The following TMEM9B variants were observed in gnomAD, a reference collection of about 807,000 sequenced individuals.
The protein encoded by TMEM9B is transmembrane protein 9B.
TMEM9B carries 8 observed loss-of-function variants against 23.5 expected under a neutral mutation model. That is an observed-to-expected ratio of 0.34 (90% CI 0.20 to 0.61). The LOEUF is 0.61. TMEM9B is among the 20% of genes least tolerant of loss of function. The pLI is 0.78. For synonymous variants in TMEM9B, 106 were observed against 96.3 expected (o/e 1.10, Z -0.59); for missense variants, 197 against 252.3 (o/e 0.78, Z 1.49).
rs765412738 is a variant in TMEM9B, at chr11:8,952,870, G to A, written c.441+333C>T. 6.8e-5 allele frequency: 35 copies of A among 515,086 alleles called. No individual in the cohort carries two copies. The Middle Eastern group carries it at 1.5e-3, about 22-fold the overall frequency. 31.9% of individuals were successfully genotyped at this position (515,086 alleles called of 1,614,324 possible). ...ATTTGGTGATATTGACAGAGAAGGT[G>A]TTTCAGGCAGGAGAGCTTGGAGAGA... On this transcript the variant is annotated intron_variant, in intron 4 of 4. Coordinates refer to ENST00000534025, the MANE Select transcript of TMEM9B (RefSeq NM_020644.3).
chr11:8,955,212 T>C (rs1853952527), intron 3 of TMEM9B, among the ~76,000 whole-genome samples: 1 of 151,648 alleles, frequency 6.6e-6, no homozygotes, highest in Non-Finnish European at 1.5e-5. Flanking sequence ...CTGAACTCAT[T>C]AGAAATACAA....
Position 8,962,145 on chromosome 11 carries a change from G to T in TMEM9B, c.144C>A (p.Pro48=). 1 of 1,605,194 alleles carries T rather than the reference G, an allele frequency of 6.2e-7. No individual in the cohort carries two copies. The highest frequency in any genetic ancestry group is 1.1e-5 in the South Asian group (1 of 88,694). ...AAATATGCCCAGAATTTTCTTTATA[G>T]GGAGGGCAGATACATTTACATCTGA... The part of the protein sequence containing the change: ...EDVRCKCICP[P]YKENSGHIYN... Residue 48 remains proline (P), a synonymous_variant, in exon 2 of 5, where the codon CCC becomes CCA. Coordinates refer to ENST00000534025, the MANE Select transcript of TMEM9B (RefSeq NM_020644.3).
At chr11:8,964,540 T>G, upstream of TMEM9B, 1 of 1,306,222 alleles carries the variant, frequency 7.7e-7, no homozygotes, top group Non-Finnish European at 1.0e-6. Context: ...TGGGCAGTCC[T>G]GGTGCCCGCC....
upstream of TMEM9B, chr11:8,964,678 C>T (rs543851657): frequency 1.7e-5 from 4 of 234,602 alleles, no homozygotes; most frequent in Non-Finnish European, 3.2e-5. Context: ...GTCGCCATTG[C>T]GCTGGAAAGT....
Position 8,953,302 on chromosome 11 carries a change from A to G in TMEM9B, c.342T>C (p.Leu114=), listed in dbSNP as rs758184002. ...TIIIYLSILG[L]LLLYMVYLTL... is the part of the protein sequence containing the mutation. ...TAAGATATACCATGTACAGAAGTAG[A>G]AGGCCCAAAATGGAGAGATAAATTA... is the stretch of plus-strand genomic sequence containing the variant. The change falls in exon 4 of 5, where the codon CTT becomes CTC. Residue 114 remains leucine, a synonymous_variant. Transcript: ENST00000534025. 1.9e-6 allele frequency: 3 copies of G among 1,613,972 alleles called. No individual in the cohort carries two copies. In the East Asian group the frequency reaches 6.7e-5, roughly 36 times the overall value.
chr11:8,962,259 T>G, intron 1 of TMEM9B, 76 bp from the exon 2 acceptor site: 1 of 931,190 alleles, frequency 1.1e-6, no homozygotes, highest in Non-Finnish European at 1.6e-6. Flanking sequence ...CCATATACAT[T>G]TTGCCAAGCA....
intron 1 of TMEM9B, among the ~76,000 whole-genome samples, chr11:8,962,514 T>C (rs1049732040): frequency 3.3e-5 from 5 of 152,218 alleles, no homozygotes; most frequent in Non-Finnish European, 7.3e-5. Context: ...GGTAAGCAGA[T>C]AGTTGTGCCT....
Position 8,948,415 on chromosome 11 carries a change from C to T in TMEM9B, c.502G>A (p.Val168Met), listed in dbSNP as rs764636398. The part of the protein sequence containing the change: ...VLARSRSRAN[V>M]LNKVEYAQQR... ...TGTGCATATTCTACCTTGTTCAGCA[C>T]GTTGGCTCGACTGCGGGAGCGGGCT... Residue 168 changes from valine to methionine, a missense_variant, in exon 5 of 5, where the codon GTG (valine) becomes ATG (methionine). By Grantham distance (21) the Val-to-Met change is conservative. Around this residue, in one of 2 missense-constraint regions of TMEM9B, gnomAD observed 141 missense variants for 214.1 expected, o/e 0.66. Coordinates refer to ENST00000534025, the MANE Select transcript of TMEM9B (RefSeq NM_020644.3). The T allele has an allele frequency of 1.4e-5, 22 of 1,614,118 alleles. No homozygotes were observed. Among genetic ancestry groups the T allele is most frequent in the South Asian group, 5.5e-5 (5 of 91,092 alleles).
intron 2 of TMEM9B, among the ~76,000 whole-genome samples, chr11:8,961,085 G>A (rs939207192): frequency 2.1e-5 from 3 of 144,002 alleles, no homozygotes; most frequent in African/African-American, 7.3e-5. Flanking sequence ...GTGGAACATA[G>A]AGGTTCACAA....
In TMEM9B at chr11:8,947,257, A is replaced by C. The variant is rs1853785524; in HGVS notation, c.*1063T>G. 6.6e-6 allele frequency: 1 copy of C among 152,606 alleles called. No homozygotes were observed. Among genetic ancestry groups the C allele is most frequent in the Non-Finnish European group, 1.5e-5 (1 of 68,026 alleles). 9.5% of individuals were successfully genotyped at this position (152,606 alleles called of 1,614,324 possible). A position where few individuals can be genotyped will look rare whatever the true frequency, so the allele number is the denominator to read the frequency against. On this transcript the variant is annotated 3_prime_UTR_variant, in exon 5 of 5. Transcript: ENST00000534025. Reference sequence around the variant, plus strand: ...CTCATTATACAGCAAAAGAGGGAGGAGGAAAAAACTAGGAGACATAGATAG... The same window carrying C: ...CTCATTATACAGCAAAAGAGGGAGGCGGAAAAAACTAGGAGACATAGATAG...
Position 8,956,301 on chromosome 11 carries a change from G to GA in TMEM9B, c.198-4dup, listed in dbSNP as rs770902145. ...GCTCCACAACATGAAGGCAATCACT[G>GA]AAAAAACAAAGATAAAATGCTGCTT... On this transcript the variant is annotated splice_polypyrimidine_tract_variant and splice_region_variant and intron_variant, in intron 2 of 4. Transcript: ENST00000534025. The GA allele has an allele frequency of 6.2e-7, 1 of 1,611,610 alleles. No homozygotes were observed. The highest frequency in any genetic ancestry group is 1.7e-5 in the Admixed American group (1 of 59,826).
At chr11:8,959,358 A>C (rs1266244572) in intron 2 of TMEM9B, among the ~76,000 whole-genome samples, 1 of 152,170 alleles carries the variant, frequency 6.6e-6, no homozygotes, top group African/African-American at 2.4e-5. Context: ...GGACCACTGG[A>C]GCCTAGGAGA....
chr11:8,956,685 A>G (rs1853980494), intron 2 of TMEM9B, among the ~76,000 whole-genome samples: 1 of 152,178 alleles, frequency 6.6e-6, no homozygotes, highest in Non-Finnish European at 1.5e-5. Context: ...GTTCAAATAT[A>G]AGATTATCTC....
chr11:8,964,548 GC>G, upstream of TMEM9B: 1 of 1,253,972 alleles, frequency 8.0e-7, no homozygotes, highest in Non-Finnish European at 1.0e-6. Context: ...CCTGGTGCCC[GC>G]CTTGGCCTAG....
At chr11:8,952,249 T>TACAC (rs142506777) in intron 4 of TMEM9B, among the ~76,000 whole-genome samples, 2,144 of 122,648 alleles carry the variant, frequency 0.017, 24 homozygotes, top group Middle Eastern at 0.051. Flanking sequence ...GCCAACTATA[T>TACAC]ACACACACAC....
intron 4 of TMEM9B, among the ~76,000 whole-genome samples, chr11:8,951,614 C>T (rs1005568148): frequency 5.3e-5 from 8 of 151,560 alleles, no homozygotes; most frequent in South Asian, 2.1e-4. Context: ...AAAAATTAGC[C>T]GGGCGCGATG....
Position 8,953,404 on chromosome 11 carries a change from T to C in TMEM9B, c.307-67A>G, listed in dbSNP as rs574387814. 6.6e-6 allele frequency: 10 copies of C among 1,520,546 alleles called. No individual in the cohort carries two copies. The East Asian group carries it at 1.1e-4, about 17-fold the overall frequency. The allele number at this position is 1,520,546 out of a possible 1,614,324, so 94.2% of individuals were successfully genotyped here. A position where few individuals can be genotyped will look rare whatever the true frequency, so the allele number is the denominator to read the frequency against. ...CATAAATCAGAACTTTGTATGATAATAGTAAAACTGACTGACATATCTGCT... is the reference window on the plus strand; with the variant it reads ...CATAAATCAGAACTTTGTATGATAACAGTAAAACTGACTGACATATCTGCT... On this transcript the variant is annotated intron_variant, in intron 3 of 4. Coordinates refer to ENST00000534025, the MANE Select transcript of TMEM9B (RefSeq NM_020644.3).
rs370482790 is a variant in TMEM9B at position 8,964,221 on chromosome 11, T to C, written c.93A>G (p.Ser31=). The change falls in exon 1 of 5, where the codon TCA becomes TCG. Residue 31 remains serine (S), a synonymous_variant. Coordinates refer to ENST00000534025, the MANE Select transcript of TMEM9B (RefSeq NM_020644.3). The part of the protein sequence containing the change: ...ALSVLLLAQL[S]DAAKNFEDVR... ...GGGCGGGACTCACCTTGGCGGCGTCTGACAGCTGCGCCAGCAGCAGCACGG... is the reference window on the plus strand; with the variant it reads ...GGGCGGGACTCACCTTGGCGGCGTCCGACAGCTGCGCCAGCAGCAGCACGG... The C allele has an allele frequency of 3.7e-5, 59 of 1,582,804 alleles. No homozygotes were observed. In the African/African-American group the frequency reaches 7.4e-4, roughly 20 times the overall value.
rs1349811256 is a variant in TMEM9B at position 8,960,171 on chromosome 11, C to A, written c.197+1921G>T. Among the ~76,000 whole-genome samples the A allele has an allele frequency of 5.1e-5, 6 of 118,148 alleles. No homozygotes were observed. The East Asian group carries it at 1.6e-3, about 32-fold the overall frequency. The allele number at this position is 118,148 out of a possible 152,430, so 77.5% of individuals were successfully genotyped here. A position where few individuals can be genotyped will look rare whatever the true frequency, so the allele number is the denominator to read the frequency against. On this transcript the variant is annotated intron_variant, in intron 2 of 4. Transcript: ENST00000534025. ...TTTTTTTTTTTTTTTGAGACAGAGTCATGCTCTGTCACCCAGGTTAGAGGG... is the reference window on the plus strand; with the variant it reads ...TTTTTTTTTTTTTTTGAGACAGAGTAATGCTCTGTCACCCAGGTTAGAGGG...
Sources: gnomAD v4.1 joint callset for allele counts (sites outside exome capture counted in the v4.1 genomes callset) on GRCh38, gnomAD v4.1.1 for gene constraint, gnomAD v4.1.1 regional missense constraint, MANE v1.5 for transcripts, NCBI Gene and HGNC (gene_info 2026-07-23, HGNC 2026-07-21) for gene names.